Variants in L3MBTL4 observed in about 807,000 individuals in gnomAD.
The protein encoded by L3MBTL4 is lethal(3)malignant brain tumor-like protein 4.
Under a neutral mutation model 84.5 loss-of-function variants are expected in L3MBTL4, and 70 were observed. The observed-to-expected ratio is 0.83, with a 90% CI of 0.68 to 1.01. The LOEUF (loss-of-function observed/expected upper bound fraction) is 1.01, where lower values mean the gene tolerates loss of function less well. Ranked by LOEUF, L3MBTL4 falls within the 50% of genes least tolerant of loss-of-function variation. L3MBTL4 has a pLI of 0.00. For missense variants in L3MBTL4, 715 were observed against 754.8 expected, an observed-to-expected ratio of 0.95 and a Z score of 0.62; for synonymous variants, 274 against 259.8, an observed-to-expected ratio of 1.05 and a Z score of -0.52.
chr18:6,154,653 C>A (rs73938778), intron 13 of L3MBTL4, among the ~76,000 whole-genome samples: 4,611 of 152,264 alleles, frequency 0.03, 255 homozygotes, highest in African/African-American at 0.11. Context: ...TCACCTAATG[C>A]TCAACAACGC....
At chr18:6,249,209 C>T (rs1004975837) in intron 5 of L3MBTL4, among the ~76,000 whole-genome samples, 2 of 151,998 alleles carry the variant, frequency 1.3e-5, no homozygotes, top group Non-Finnish European at 2.9e-5. Flanking sequence ...ATGCACACAA[C>T]GCTGACAAAA....
At chr18:5,956,683 G>T (rs955796471) in intron 18 of L3MBTL4, among the ~76,000 whole-genome samples, 2 of 152,170 alleles carry the variant, frequency 1.3e-5, no homozygotes, top group African/African-American at 4.8e-5. Context: ...CTTTTAAAAA[G>T]GTTGGCTTGA....
chr18:6,127,586 T>C (rs1034749126), intron 14 of L3MBTL4, among the ~76,000 whole-genome samples: 1 of 152,188 alleles, frequency 6.6e-6, no homozygotes, highest in Non-Finnish European at 1.5e-5. Flanking sequence ...ATAAATCCTT[T>C]CTCTCTCTAC....
chr18:6,291,897 A>G (rs374531286), intron 4 of L3MBTL4, among the ~76,000 whole-genome samples: 2 of 152,354 alleles, frequency 1.3e-5, no homozygotes, highest in East Asian at 3.9e-4. Flanking sequence ...GGAACCATCA[A>G]CAAAGTGAAG....
intron 16 of L3MBTL4, among the ~76,000 whole-genome samples, chr18:6,005,780 A>C (rs930802086): frequency 6.6e-6 from 1 of 152,110 alleles, no homozygotes; most frequent in African/African-American, 2.4e-5. Context: ...GTTATTGTGA[A>C]TAGTGCTGTG....
At chr18:6,091,246 C>T (rs79283066) in intron 15 of L3MBTL4, among the ~76,000 whole-genome samples, 7,085 of 152,152 alleles carry the variant, frequency 0.047, 197 homozygotes, top group South Asian at 0.1. Context: ...TTCCCTTGCC[C>T]TGGAATTTAA....
At chr18:6,303,281 C>T (rs1400280686) in intron 3 of L3MBTL4, among the ~76,000 whole-genome samples, 1 of 151,930 alleles carries the variant, frequency 6.6e-6, no homozygotes, top group African/African-American at 2.4e-5. Flanking sequence ...CCACCACACT[C>T]GGCTAATTTT....
chr18:6,249,988 G>A (rs545951368), intron 5 of L3MBTL4, among the ~76,000 whole-genome samples: 1 of 152,282 alleles, frequency 6.6e-6, no homozygotes, highest in East Asian at 1.9e-4. Flanking sequence ...TCCACATAAA[G>A]GGACAGAAGT....
intron 16 of L3MBTL4, among the ~76,000 whole-genome samples, chr18:6,070,978 TAAAC>T (rs1170694683): frequency 6.6e-6 from 1 of 152,014 alleles, no homozygotes; most frequent in Admixed American, 6.5e-5. Context: ...TAAAAATAAA[TAAAC>T]AACAAGCTAA....
intron 1 of L3MBTL4, among the ~76,000 whole-genome samples, chr18:6,317,305 C>T (rs1381089574): frequency 6.6e-6 from 1 of 151,746 alleles, no homozygotes; most frequent in East Asian, 1.9e-4. Context: ...TACTAAGCTA[C>T]TCAAGCAGAT....
At chr18:6,207,536 A>C (rs556819691) in intron 12 of L3MBTL4, among the ~76,000 whole-genome samples, 21 of 152,314 alleles carry the variant, frequency 1.4e-4, no homozygotes, top group Admixed American at 2.6e-4. Context: ...ACCTGGAATT[A>C]ACTGAGGCAC....
At chr18:6,125,923 C>T (rs1217286740) in intron 14 of L3MBTL4, among the ~76,000 whole-genome samples, 1 of 152,156 alleles carries the variant, frequency 6.6e-6, no homozygotes, top group Admixed American at 6.5e-5. Context: ...TCATTTCTAA[C>T]TAACATAGAA....
At chr18:6,066,249 T>G (rs900047662) in intron 16 of L3MBTL4, among the ~76,000 whole-genome samples, 1 of 152,146 alleles carries the variant, frequency 6.6e-6, no homozygotes, top group Non-Finnish European at 1.5e-5. Flanking sequence ...TTTTAAAAAT[T>G]TATTGAGACT....
At chr18:6,360,313 G>C (rs1413782038) in intron 1 of L3MBTL4, among the ~76,000 whole-genome samples, 1 of 152,218 alleles carries the variant, frequency 6.6e-6, no homozygotes, top group Non-Finnish European at 1.5e-5. Flanking sequence ...CTAGGCTGCA[G>C]TGAGCTATGA....
At chr18:6,172,469 TA>T (rs2044023763) in intron 12 of L3MBTL4, among the ~76,000 whole-genome samples, 1 of 152,030 alleles carries the variant, frequency 6.6e-6, no homozygotes, top group Non-Finnish European at 1.5e-5. Flanking sequence ...CAAAATATGC[TA>T]GGGGGTAGGT....
chr18:6,037,544 C>T (rs2056196013), intron 16 of L3MBTL4, among the ~76,000 whole-genome samples: 1 of 152,194 alleles, frequency 6.6e-6, no homozygotes, highest in Non-Finnish European at 1.5e-5. Context: ...AAAAGGCCAC[C>T]ACGCTCTACA....
chr18:6,074,984 C>T (rs991349331), intron 16 of L3MBTL4, among the ~76,000 whole-genome samples: 63 of 151,942 alleles, frequency 4.1e-4, no homozygotes, highest in East Asian at 1.9e-4. Context: ...GAAATGGAGG[C>T]AATTTCCTCA....
chr18:6,006,457 C>T (rs1042141594), intron 16 of L3MBTL4, among the ~76,000 whole-genome samples: 13 of 152,010 alleles, frequency 8.6e-5, no homozygotes, highest in African/African-American at 2.2e-4. Flanking sequence ...GACAAACATC[C>T]GTTAAGGCAA....
chr18:6,296,590 G>A (rs1411963119), intron 4 of L3MBTL4, among the ~76,000 whole-genome samples: 1 of 152,198 alleles, frequency 6.6e-6, no homozygotes, highest in African/African-American at 2.4e-5. Flanking sequence ...CACTTCTTCA[G>A]ACAGTAAGTT....
Sources: allele counts gnomAD v4.1 joint callset (sites outside exome capture counted in the v4.1 genomes callset), GRCh38; gene constraint gnomAD v4.1.1; transcripts MANE v1.5; gene names NCBI Gene and HGNC (gene_info 2026-07-23, HGNC 2026-07-21).